Variants in ANKRD50 observed in about 807,000 individuals in gnomAD.
ANKRD50 encodes ankyrin repeat domain-containing protein 50.
ANKRD50 carries 40 observed loss-of-function variants against 112.0 expected under a neutral mutation model. The observed-to-expected ratio is 0.36, with a 90% CI of 0.28 to 0.46. ANKRD50 has a LOEUF of 0.46. Among genes scored for constraint, ANKRD50 ranks in the 20% least tolerant of loss-of-function variants. ANKRD50 has a pLI of 1.00. For missense variants in ANKRD50, 1,487 were observed against 1,701.7 expected (o/e 0.87, Z 2.22); for synonymous variants, 613 against 619.1 (o/e 0.99, Z 0.15).
At chr4:124,694,545 T>C (rs1035637830) in intron 2 of ANKRD50, among the ~76,000 whole-genome samples, 2 of 152,056 alleles carry the variant, frequency 1.3e-5, no homozygotes, top group African/African-American at 4.8e-5. Flanking sequence ...AGGCTCACTG[T>C]TTGGAACTAG....
chr4:124,696,115 A>G (rs1309297125), intron 2 of ANKRD50, among the ~76,000 whole-genome samples: 1 of 152,132 alleles, frequency 6.6e-6, no homozygotes, highest in African/African-American at 2.4e-5. Flanking sequence ...ACCATGACTA[A>G]TATGTTAAAG....
chr4:124,684,515 AT>A (rs368197797), intron 2 of ANKRD50, among the ~76,000 whole-genome samples: 5 of 152,016 alleles, frequency 3.3e-5, no homozygotes, highest in Non-Finnish European at 7.4e-5. Context: ...TCCCCTCTTC[AT>A]TCTTTCTATA....
At chr4:124,701,339 G>A (rs879786348) in intron 2 of ANKRD50, among the ~76,000 whole-genome samples, 2 of 151,996 alleles carry the variant, frequency 1.3e-5, no homozygotes, top group African/African-American at 2.4e-5. Flanking sequence ...GAGGTACAAA[G>A]AATAGAGACA....
intron 2 of ANKRD50, among the ~76,000 whole-genome samples, chr4:124,686,888 G>C (rs2893092): frequency 0.042 from 6,367 of 152,180 alleles, 178 homozygotes; most frequent in Middle Eastern, 0.078. Flanking sequence ...CAAATTTTGT[G>C]ACTCCTGACT....
intron 3 of ANKRD50, among the ~76,000 whole-genome samples, chr4:124,677,459 T>C (rs936665174): frequency 1.3e-5 from 2 of 151,768 alleles, no homozygotes; most frequent in African/African-American, 2.4e-5. Context: ...TTAAAACCAA[T>C]GAAATGGATT....
chr4:124,704,152 A>G (rs1174992628), intron 2 of ANKRD50, among the ~76,000 whole-genome samples: 2 of 152,234 alleles, frequency 1.3e-5, no homozygotes, highest in Admixed American at 6.5e-5. Context: ...ACAAACATGT[A>G]AAGTTTTGAT....
chr4:124,670,498 C>A lies in ANKRD50; in HGVS notation c.2779G>T (p.Asp927Tyr). 1 of 1,613,758 alleles carries A rather than the reference C, an allele frequency of 6.2e-7. No homozygotes were observed. The highest frequency in any genetic ancestry group is 8.5e-7 in the Non-Finnish European group (1 of 1,179,880). Residue 927 changes from aspartate (D) to tyrosine (Y), a missense_variant, in exon 4 of 5, where the codon GAC becomes TAC. Around this residue, in one of 2 missense-constraint regions of ANKRD50, gnomAD observed 1,046 missense variants for 1,269.5 expected, o/e 0.82. Coordinates refer to ENST00000504087, the MANE Select transcript of ANKRD50 (RefSeq NM_020337.3). The part of the protein sequence containing the change: ...LRVAALEGHR[D>Y]IVELLFSHGA... The stretch of plus-strand genomic sequence containing the variant: ...TGGCTAAAAAGCAATTCAACAATGT[C>A]CCTGTGCCCTTCTAATGCAGCAACC...
At chr4:124,674,978 T>TATGAACACACAC (rs1330925883) in intron 3 of ANKRD50, among the ~76,000 whole-genome samples, 2 of 151,804 alleles carry the variant, frequency 1.3e-5, no homozygotes, top group African/African-American at 2.4e-5. Flanking sequence ...AATACACATG[T>TATGAACACACAC]AATCCTCTTA....
chr4:124,712,717 C>T lies in ANKRD50; in HGVS notation c.-1023G>A. On this transcript the variant is annotated 5_prime_UTR_variant, in exon 1 of 5. Coordinates refer to ENST00000504087, the MANE Select transcript of ANKRD50 (RefSeq NM_020337.3). ...ACCGGCCAACCGCCGCCGCCGCCGC[C>T]GTCAGGGCAGTAACTGTCTCAGGCA... 1.3e-5 allele frequency: 2 copies of T among 158,304 alleles called. No homozygotes were observed. The highest frequency in any genetic ancestry group is 1.7e-4 in the South Asian group (1 of 5,746). The allele number at this position is 158,304 out of a possible 1,614,324, so 9.8% of individuals were successfully genotyped here.
chr4:124,707,716 A>T (rs2110529933), intron 2 of ANKRD50, among the ~76,000 whole-genome samples: 1 of 152,264 alleles, frequency 6.6e-6, no homozygotes, highest in African/African-American at 2.4e-5. Flanking sequence ...CTGGGAATGC[A>T]AAGTGATTGG....
chr4:124,687,839 CA>C (rs1725043310), intron 2 of ANKRD50, among the ~76,000 whole-genome samples: 1 of 152,098 alleles, frequency 6.6e-6, no homozygotes, highest in Non-Finnish European at 1.5e-5. Context: ...TAGAATTGTG[CA>C]AATAAGTAAA....
intron 2 of ANKRD50, among the ~76,000 whole-genome samples, chr4:124,691,256 G>GC (rs1290145556): frequency 1.3e-5 from 2 of 152,036 alleles, no homozygotes; most frequent in African/African-American, 4.8e-5. Context: ...ACTTTGGGAG[G>GC]CCGAGGCGGG....
chr4:124,688,368 AAGG>A (rs1364215143), intron 2 of ANKRD50, among the ~76,000 whole-genome samples: 1 of 152,052 alleles, frequency 6.6e-6, no homozygotes, highest in Non-Finnish European at 1.5e-5. Flanking sequence ...GGAGTGGGGG[AAGG>A]AGTTTACTAA....
chr4:124,710,504 T>C lies in ANKRD50; in HGVS notation c.8A>G (p.Asn3Ser). 6.2e-7 allele frequency: 1 copy of C among 1,610,374 alleles called. No individual in the cohort carries two copies. Residue 3 changes from asparagine to serine, a missense_variant, in exon 2 of 5, where the codon AAT becomes AGT. Physicochemically the swap from Asn to Ser is conservative, Grantham distance 46 (BLOSUM62 1). Coordinates refer to ENST00000504087, the MANE Select transcript of ANKRD50 (RefSeq NM_020337.3). MT[N>S]PWEEKVCKMA... Reference sequence around the variant, plus strand: ...TTTGCAGACTTTCTCTTCCCAAGGATTAGTCATAACGGGTTTTTTATCTTC... The same window carrying C: ...TTTGCAGACTTTCTCTTCCCAAGGACTAGTCATAACGGGTTTTTTATCTTC...
intron 2 of ANKRD50, among the ~76,000 whole-genome samples, chr4:124,704,432 A>T (rs1457008003): frequency 6.6e-6 from 1 of 152,240 alleles, no homozygotes; most frequent in African/African-American, 2.4e-5. Context: ...GACAGGAGAT[A>T]GATATCTGGC....
chr4:124,671,892 G>C lies in ANKRD50; in HGVS notation c.1385C>G (p.Ser462Ter). The change falls in exon 4 of 5, where the codon TCA becomes TGA. Residue 462 changes from serine to a stop codon, truncating the protein, a stop_gained. Transcript: ENST00000504087. LOFTEE classifies it high-confidence loss of function. ...AQEFALHLINSNLQLETAELA... is the reference protein window; with the variant it reads ...AQEFALHLIN Reference sequence around the variant, plus strand: ...CTCCGCTGTCTCTAATTGTAAGTTTGAGTTAATTAAGTGCAATGCAAATTC... The same window carrying C: ...CTCCGCTGTCTCTAATTGTAAGTTTCAGTTAATTAAGTGCAATGCAAATTC... 6.2e-7 allele frequency: 1 copy of C among 1,613,828 alleles called. No homozygotes were observed. Among genetic ancestry groups the C allele is most frequent in the Non-Finnish European group, 8.5e-7 (1 of 1,179,876 alleles).
At chr4:124,682,975 G>T (rs1429311195) in intron 2 of ANKRD50, among the ~76,000 whole-genome samples, 1 of 151,900 alleles carries the variant, frequency 6.6e-6, no homozygotes, top group Non-Finnish European at 1.5e-5. Flanking sequence ...GAATAGAATT[G>T]TTAGATTAAG....
intron 2 of ANKRD50, among the ~76,000 whole-genome samples, chr4:124,705,846 T>C (rs1725493702): frequency 6.6e-6 from 1 of 152,096 alleles, no homozygotes; most frequent in African/African-American, 2.4e-5. Flanking sequence ...GGAGGCAGAA[T>C]TAAAGAAATC....
Position 124,671,164 on chromosome 4 carries a change from G to T in ANKRD50, c.2113C>A (p.His705Asn). 1.2e-6 allele frequency: 2 copies of T among 1,613,840 alleles called. No individual in the cohort carries two copies. Among genetic ancestry groups the T allele is most frequent in the Non-Finnish European group, 1.7e-6 (2 of 1,179,868 alleles). Reference protein sequence around the residue: ...HLLDHGAEVNHEDVDGRTALS... With the variant: ...HLLDHGAEVNNEDVDGRTALS... ...GCAGTCCTGCCATCAACATCCTCAT[G>T]ATTTACTTCTGCTCCATGGTCCAGT... The change falls in exon 4 of 5, where the codon CAT (histidine) becomes AAT (asparagine). Residue 705 changes from histidine to asparagine, a missense_variant. Physicochemically the swap from His to Asn is moderately conservative, Grantham distance 68 (BLOSUM62 1). Transcript: ENST00000504087.
Sources: allele counts gnomAD v4.1 joint callset (sites outside exome capture counted in the v4.1 genomes callset), GRCh38; gene constraint gnomAD v4.1.1; regional missense constraint gnomAD v4.1.1; transcripts MANE v1.5; gene names NCBI Gene and HGNC (gene_info 2026-07-23, HGNC 2026-07-21).